The following SORT1 variants were observed in gnomAD, a reference collection of about 807,000 sequenced individuals.
SORT1 encodes the protein sortilin.
Under a neutral mutation model 101.7 loss-of-function variants are expected in SORT1, and 39 were observed. That is an observed-to-expected ratio of 0.38 (90% CI 0.30 to 0.50). The LOEUF (loss-of-function observed/expected upper bound fraction) is 0.50, where lower values mean the gene tolerates loss of function less well. SORT1 is among the 20% of genes least tolerant of loss of function. SORT1 has a pLI of 0.90. For synonymous variants in SORT1, 396 were observed against 393.7 expected (o/e 1.01, Z -0.07); for missense variants, 878 against 1,040.4 (o/e 0.84, Z 2.15).
At chr1:109,339,492 T>C (rs1649067037) in intron 10 of SORT1, among the ~76,000 whole-genome samples, 2 of 152,202 alleles carry the variant, frequency 1.3e-5, no homozygotes, top group South Asian at 4.1e-4. Context: ...ATATAAAAAG[T>C]TGTTCAACAT....
At position 109,375,947 on chromosome 1, in the gene SORT1, A is replaced by G. The variant is rs550298322; in HGVS notation, c.307-6358T>C. ...TATTACTAAAACATCACACACACAC[A>G]CACAAAAACAGATACTGGTGAGGCT... On this transcript the variant is annotated intron_variant, in intron 1 of 19. Coordinates refer to ENST00000256637, the MANE Select transcript of SORT1 (RefSeq NM_002959.7). Among the ~76,000 whole-genome samples the G allele has an allele frequency of 3.3e-5, 5 of 152,288 alleles. No homozygotes were observed. The South Asian group carries it at 1.0e-3, about 32-fold the overall frequency.
intron 1 of SORT1, among the ~76,000 whole-genome samples, chr1:109,372,120 G>C (rs1030632028): frequency 3.9e-5 from 6 of 152,256 alleles, no homozygotes; most frequent in African/African-American, 1.4e-4. Flanking sequence ...GTCCAGGAAA[G>C]GGCAGACAAC....
At chr1:109,345,489 T>G (rs1649520397) in intron 8 of SORT1, among the ~76,000 whole-genome samples, 1 of 150,396 alleles carries the variant, frequency 6.6e-6, no homozygotes, top group Non-Finnish European at 1.5e-5. Flanking sequence ...CACTCCAGCC[T>G]AGGCAACAGA....
At chr1:109,369,421 G>T in intron 2 of SORT1, 109 bp downstream of exon 2, 1 of 721,626 alleles carries the variant, frequency 1.4e-6, no homozygotes, top group South Asian at 1.6e-5. Flanking sequence ...TTCTGTGATT[G>T]AGGCTAAAGA....
chr1:109,332,880 A>T (rs1570909515), intron 11 of SORT1, among the ~76,000 whole-genome samples: 1 of 152,216 alleles, frequency 6.6e-6, no homozygotes, highest in East Asian at 1.9e-4. Flanking sequence ...CTCTTAAATA[A>T]ACGGTGCTGG....
intron 15 of SORT1, among the ~76,000 whole-genome samples, chr1:109,318,474 A>C (rs1211448539): frequency 2.0e-5 from 3 of 152,120 alleles, no homozygotes; most frequent in East Asian, 1.9e-4. Context: ...TAAGGAAAAG[A>C]AGCTTATGGG....
At chr1:109,341,584 C>T (rs1369604991) in intron 9 of SORT1, among the ~76,000 whole-genome samples, 2 of 152,040 alleles carry the variant, frequency 1.3e-5, no homozygotes, top group South Asian at 4.1e-4. Flanking sequence ...CTCCTGACCT[C>T]GTGATCTGCC....
intron 3 of SORT1, among the ~76,000 whole-genome samples, chr1:109,364,652 T>C (rs958979456): frequency 6.6e-6 from 1 of 152,174 alleles, no homozygotes; most frequent in Non-Finnish European, 1.5e-5. Context: ...AACATTTGCA[T>C]GTTGGCAGGG....
Position 109,327,581 on chromosome 1 carries a change from A to C in SORT1, c.1392T>G (p.Ala464=), listed in dbSNP as rs1356656127. The change falls in exon 12 of 20, where the codon GCT becomes GCG. Residue 464 remains alanine, a synonymous_variant. Transcript: ENST00000256637. ...TCAGTTTCTGGGAGATGCTGTAGGAAGCATGAATATGAAGGCTGCACTGTG... is the reference window on the plus strand; with the variant it reads ...TCAGTTTCTGGGAGATGCTGTAGGACGCATGAATATGAAGGCTGCACTGTG... ...NKNECSLHIH[A]SYSISQKLNV... 1.2e-6 allele frequency: 2 copies of C among 1,608,452 alleles called. No individual in the cohort carries two copies. The highest frequency in any genetic ancestry group is 2.2e-5 in the South Asian group (2 of 90,270).
chr1:109,397,880 A>G lies in SORT1; in HGVS notation c.13T>C (p.Trp5Arg), dbSNP rs1400117328. MERP[W>R]GAADGLSRWP... ...CGCGAGAGGCCGTCCGCAGCTCCCC[A>G]GGGCCGCTCCATCGCCGCCGAATGC... is the stretch of plus-strand genomic sequence containing the variant. The change falls in exon 1 of 20, where the codon TGG becomes CGG. Residue 5 changes from tryptophan (W) to arginine (R), a missense_variant. Trp to Arg is a moderately radical substitution (Grantham distance 101). Around this residue, in one of 2 missense-constraint regions of SORT1, gnomAD observed 194 missense variants for 145.9 expected, o/e 1.33. Transcript: ENST00000256637. 6.7e-6 allele frequency: 8 copies of G among 1,190,420 alleles called. No homozygotes were observed. The highest frequency in any genetic ancestry group is 8.3e-6 in the Non-Finnish European group (8 of 960,420). The allele number at this position is 1,190,420 out of a possible 1,614,324, so 73.7% of individuals were successfully genotyped here.
intron 1 of SORT1, chr1:109,397,359 A>G (rs1653247298): frequency 6.2e-6 from 1 of 160,606 alleles, no homozygotes; most frequent in South Asian, 2.0e-4. Flanking sequence ...AAAAAAAAAG[A>G]ATGCGGTGGA....
At chr1:109,397,449 G>T in intron 1 of SORT1, 138 bp downstream of exon 1, 1 of 529,826 alleles carries the variant, frequency 1.9e-6, no homozygotes, top group Non-Finnish European at 2.5e-6. Context: ...GCCCGCCGCA[G>T]TTTCGGGGCT....
At chr1:109,346,740 G>A (rs1002681642) in intron 7 of SORT1, among the ~76,000 whole-genome samples, 8 of 107,980 alleles carry the variant, frequency 7.4e-5, no homozygotes, top group African/African-American at 3.0e-4. Context: ...GCAAGACTCC[G>A]TCTCAAAAAA....
chr1:109,345,127 T>C lies in SORT1; in HGVS notation c.963+624A>G, dbSNP rs745514406. Among the ~76,000 whole-genome samples, 10 of 152,264 alleles carry C rather than the reference T, an allele frequency of 6.6e-5. No individual in the cohort carries two copies. The South Asian group carries it at 1.4e-3, about 22-fold the overall frequency. On this transcript the variant is annotated intron_variant, in intron 8 of 19. Coordinates refer to ENST00000256637, the MANE Select transcript of SORT1 (RefSeq NM_002959.7). ...TACCTAGCATATAGTAGGCACTCAA[T>C]TAATGTTATCTAATTGTATTTTTAT...
chr1:109,324,890 G>A lies in SORT1; in HGVS notation c.1834+9C>T. On this transcript the variant is annotated intron_variant, in intron 14 of 19. Coordinates refer to ENST00000256637, the MANE Select transcript of SORT1 (RefSeq NM_002959.7). Reference sequence around the variant, plus strand: ...GTTTCTGGTAGAAAAGGTCAAAGGAGACACTCACAGTTCCTTTCAAGGATA... The same window carrying A: ...GTTTCTGGTAGAAAAGGTCAAAGGAAACACTCACAGTTCCTTTCAAGGATA... 1 of 1,564,372 alleles carries A rather than the reference G, an allele frequency of 6.4e-7. No homozygotes were observed. Among genetic ancestry groups the A allele is most frequent in the Non-Finnish European group, 8.7e-7 (1 of 1,142,888 alleles).
intron 11 of SORT1, among the ~76,000 whole-genome samples, chr1:109,332,571 TA>T (rs1176793580): frequency 6.6e-6 from 1 of 151,926 alleles, no homozygotes; most frequent in Non-Finnish European, 1.5e-5. Context: ...CTTTGCCTCT[TA>T]AAAAAAATTC....
At chr1:109,376,546 A>G (rs371653699) in intron 1 of SORT1, among the ~76,000 whole-genome samples, 1 of 140,538 alleles carries the variant, frequency 7.1e-6, no homozygotes, top group African/African-American at 2.6e-5. Flanking sequence ...TATATACACC[A>G]TGTAATACTA....
rs575308767 is a variant in SORT1, at chr1:109,397,539, G to A, written c.306+48C>T. The A allele has an allele frequency of 7.8e-5, 86 of 1,099,258 alleles. No individual in the cohort carries two copies. In the African/African-American group the frequency reaches 1.2e-3, roughly 16 times the overall value. 68.1% of individuals were successfully genotyped at this position (1,099,258 alleles called of 1,614,324 possible). ...GGCGCACGGGCCGGGAGGGGCACGC[G>A]GGCGGCACCTCGCACCCGAGCGGCT... On this transcript the variant is annotated intron_variant, in intron 1 of 19. Coordinates refer to ENST00000256637, the MANE Select transcript of SORT1 (RefSeq NM_002959.7).
chr1:109,338,786 C>T (rs1408478110), intron 10 of SORT1, among the ~76,000 whole-genome samples: 5 of 152,126 alleles, frequency 3.3e-5, no homozygotes, highest in Admixed American at 6.6e-5. Context: ...TGGGTTTGGT[C>T]TGTCCCTGCT....
Sources: allele counts gnomAD v4.1 joint callset (sites outside exome capture counted in the v4.1 genomes callset), GRCh38; gene constraint gnomAD v4.1.1; regional missense constraint gnomAD v4.1.1; transcripts MANE v1.5; gene names NCBI Gene and HGNC (gene_info 2026-07-23, HGNC 2026-07-21).